Variants in SLC35F3 observed in about 807,000 individuals in gnomAD.
SLC35F3 encodes putative thiamine transporter SLC35F3.
A neutral mutation model predicts 49.9 loss-of-function variants in SLC35F3; 25 were observed. The ratio of observed to expected loss-of-function variants is 0.50; its 90% CI spans 0.37 to 0.70. The LOEUF is 0.70. SLC35F3 is among the 30% of genes least tolerant of loss of function. The pLI is 0.00. For missense variants in SLC35F3, 525 were observed against 639.8 expected (o/e 0.82, Z 1.94); for synonymous variants, 275 against 265.4 (o/e 1.04, Z -0.35).
intron 2 of SLC35F3, among the ~76,000 whole-genome samples, chr1:234,028,244 A>C (rs60882938): frequency 0.052 from 7,925 of 152,276 alleles, 460 homozygotes; most frequent in African/African-American, 0.14. Flanking sequence ...CCAGCTTCTG[A>C]TCCTCAGATA....
intron 3 of SLC35F3, among the ~76,000 whole-genome samples, chr1:234,248,447 G>T (rs367596652): frequency 2.0e-4 from 30 of 151,596 alleles, no homozygotes; most frequent in East Asian, 1.2e-3. Context: ...TGGTTGGCTG[G>T]TCCATTGTTT....
At position 234,027,409 on chromosome 1, in the gene SLC35F3, G is replaced by A. The variant is rs966813619; in HGVS notation, c.283+121651G>A. On this transcript the variant is annotated intron_variant, in intron 2 of 7. Coordinates refer to ENST00000366618, the MANE Select transcript of SLC35F3 (RefSeq NM_173508.4). The surrounding 1 kb of genome is among the most constrained non-coding windows in gnomAD (Gnocchi z 4.1). Reference sequence around the variant, plus strand: ...TGAAGCCTGGCAGTGGCCACCACCCGCAGCTGAGGAAAACTGCCTGGAGAT... The same window carrying A: ...TGAAGCCTGGCAGTGGCCACCACCCACAGCTGAGGAAAACTGCCTGGAGAT... Among the ~76,000 whole-genome samples, 4 of 152,220 alleles carry A rather than the reference G, an allele frequency of 2.6e-5. No individual in the cohort carries two copies. Among genetic ancestry groups the A allele is most frequent in the African/African-American group, 4.8e-5 (2 of 41,468 alleles).
At chr1:234,210,051 G>A (rs1667027576) in intron 2 of SLC35F3, among the ~76,000 whole-genome samples, 1 of 152,100 alleles carries the variant, frequency 6.6e-6, no homozygotes, top group South Asian at 2.1e-4. Context: ...AATCATGGGG[G>A]CAGGTCTTTC....
chr1:234,187,710 G>T (rs1666665972), intron 2 of SLC35F3, among the ~76,000 whole-genome samples: 1 of 152,176 alleles, frequency 6.6e-6, no homozygotes, highest in Non-Finnish European at 1.5e-5. Context: ...ACACCTGAGT[G>T]AACTACAGAG....
intron 2 of SLC35F3, among the ~76,000 whole-genome samples, chr1:233,921,427 C>T (rs1662057324): frequency 6.6e-6 from 1 of 152,146 alleles, no homozygotes. Context: ...CACCAGGGCT[C>T]ACTCTTAGTG....
At chr1:234,071,811 A>G (rs1398016913) in intron 2 of SLC35F3, among the ~76,000 whole-genome samples, 2 of 152,184 alleles carry the variant, frequency 1.3e-5, no homozygotes, top group South Asian at 4.1e-4. Flanking sequence ...GATGTAATTA[A>G]TGGCCAAGGA....
intron 2 of SLC35F3, among the ~76,000 whole-genome samples, chr1:234,203,770 C>A (rs538959006): frequency 6.6e-6 from 1 of 151,494 alleles, no homozygotes; most frequent in South Asian, 2.1e-4. Context: ...TAAAAGCAGA[C>A]AAGCTTCTCT....
intron 3 of SLC35F3, 143 bp from the exon 4 acceptor site, chr1:234,308,958 G>A: frequency 1.6e-6 from 1 of 631,414 alleles, no homozygotes; most frequent in Non-Finnish European, 2.7e-6. Flanking sequence ...GGCTTTAATA[G>A]AAAGATGTTT....
chr1:234,208,135 C>T (rs905641537), intron 2 of SLC35F3, among the ~76,000 whole-genome samples: 2 of 152,240 alleles, frequency 1.3e-5, no homozygotes, highest in African/African-American at 4.8e-5. Context: ...AGGTTGGCTG[C>T]TTCTTCCTGG....
At chr1:233,983,452 C>T (rs1216262234) in intron 2 of SLC35F3, among the ~76,000 whole-genome samples, 5 of 152,200 alleles carry the variant, frequency 3.3e-5, no homozygotes, top group East Asian at 1.9e-4. Flanking sequence ...CATCTACAAT[C>T]GATTTCTATT....
At chr1:234,047,250 G>A (rs1303220675) in intron 2 of SLC35F3, among the ~76,000 whole-genome samples, 1 of 152,062 alleles carries the variant, frequency 6.6e-6, no homozygotes, top group African/African-American at 2.4e-5. Flanking sequence ...GAGTCAACCT[G>A]ACTGGGCCAC....
At chr1:233,983,220 AT>A (rs2102823096) in intron 2 of SLC35F3, among the ~76,000 whole-genome samples, 1 of 152,278 alleles carries the variant, frequency 6.6e-6, no homozygotes, top group Admixed American at 6.5e-5. Context: ...TACATTTCAA[AT>A]TTTTTGCCAT....
In SLC35F3 at chr1:234,231,300, C is replaced by T. The variant is rs766565197; in HGVS notation, c.284-117C>T. The stretch of plus-strand genomic sequence containing the variant: ...CCGCCCTGGAAGCCGCCCCTGCACC[C>T]GCTATCTCCCCGGGCCCCCAGGTAG... On this transcript the variant is annotated intron_variant, in intron 2 of 7. Transcript: ENST00000366618. The surrounding 1 kb of genome is among the most constrained non-coding windows in gnomAD (Gnocchi z 5.4). 3.1e-5 allele frequency: 27 copies of T among 867,824 alleles called. No homozygotes were observed. The highest frequency in any genetic ancestry group is 4.1e-5 in the Non-Finnish European group (24 of 585,176). The allele number at this position is 867,824 out of a possible 1,614,324, so 53.8% of individuals were successfully genotyped here.
rs993277441 is a variant in SLC35F3 at position 234,321,562 on chromosome 1, C to T, written c.1237+1375C>T. Among the ~76,000 whole-genome samples, 7 of 152,322 alleles carry T rather than the reference C, an allele frequency of 4.6e-5. No individual in the cohort carries two copies. In the South Asian group the frequency reaches 1.2e-3, roughly 27 times the overall value. On this transcript the variant is annotated intron_variant, in intron 7 of 7. Coordinates refer to ENST00000366618, the MANE Select transcript of SLC35F3 (RefSeq NM_173508.4). Reference sequence around the variant, plus strand: ...TTGCATCTTTAGTTTGTGGTCATACCGTGTTCCTGTCTCCAGAAGGCGTGC... The same window carrying T: ...TTGCATCTTTAGTTTGTGGTCATACTGTGTTCCTGTCTCCAGAAGGCGTGC...
At chr1:234,040,919 C>T (rs745955514) in intron 2 of SLC35F3, among the ~76,000 whole-genome samples, 19 of 152,170 alleles carry the variant, frequency 1.2e-4, no homozygotes, top group Admixed American at 3.3e-4. Context: ...TCTGCAGCTG[C>T]GAACAGATGA....
chr1:234,244,967 TA>T (rs1389943750), intron 3 of SLC35F3, among the ~76,000 whole-genome samples: 8 of 152,238 alleles, frequency 5.3e-5, no homozygotes, highest in Admixed American at 1.3e-4. Flanking sequence ...TATGCATTGA[TA>T]TCATTTCATG....
intron 3 of SLC35F3, among the ~76,000 whole-genome samples, chr1:234,303,394 C>T (rs997076796): frequency 2.0e-5 from 3 of 152,230 alleles, no homozygotes; most frequent in African/African-American, 4.8e-5. Context: ...CTGCGGTTCC[C>T]GGTCTGCAGC....
At chr1:233,980,783 C>T (rs1404946622) in intron 2 of SLC35F3, among the ~76,000 whole-genome samples, 2 of 152,172 alleles carry the variant, frequency 1.3e-5, no homozygotes, top group Non-Finnish European at 2.9e-5. Context: ...ATCGTACTGT[C>T]AATTGTGATA....
chr1:233,907,703 G>A (rs1043760288), intron 2 of SLC35F3, among the ~76,000 whole-genome samples: 5 of 135,224 alleles, frequency 3.7e-5, no homozygotes, highest in African/African-American at 1.4e-4. Flanking sequence ...CAGCAAAAGA[G>A]GTTGTCTTTT....
Sources: allele counts gnomAD v4.1 joint callset (sites outside exome capture counted in the v4.1 genomes callset), GRCh38; gene constraint gnomAD v4.1.1; non-coding constraint Gnocchi (gnomAD v3.1); transcripts MANE v1.5; gene names NCBI Gene and HGNC (gene_info 2026-07-23, HGNC 2026-07-21).